PREPL: variants seen among roughly 807,000 people sequenced by gnomAD.
The protein encoded by PREPL is prolyl endopeptidase-like.
PREPL carries 77 observed loss-of-function variants against 70.6 expected under a neutral mutation model. The ratio of observed to expected loss-of-function variants is 1.09; its 90% CI spans 0.91 to 1.32. PREPL has a LOEUF of 1.32. Among genes scored for constraint, PREPL ranks in the 40% most tolerant of loss-of-function variants. The probability of loss-of-function intolerance (pLI) is 0.00; values close to 1 mark genes in which losing one functional copy is unlikely to be tolerated. For missense variants in PREPL, 1,002 were observed against 778.2 expected (o/e 1.29, Z -3.42); for synonymous variants, 315 against 264.8 (o/e 1.19, Z -1.84).
intron 1 of PREPL, among the ~76,000 whole-genome samples, chr2:44,348,060 T>C (rs1228814915): frequency 2.6e-5 from 4 of 152,172 alleles, no homozygotes; most frequent in Non-Finnish European, 4.4e-5. Flanking sequence ...TATAATTTTC[T>C]GAATTTTTTT....
chr2:44,359,799 T>A (rs1677472828), intron 1 of PREPL: 1 of 947,168 alleles, frequency 1.1e-6, no homozygotes, highest in Non-Finnish European at 1.6e-6. Context: ...AGTAGTGGGT[T>A]CTCAGAGTAA....
At chr2:44,353,288 T>C (rs1676647105) in intron 1 of PREPL, among the ~76,000 whole-genome samples, 1 of 151,208 alleles carries the variant, frequency 6.6e-6, no homozygotes, top group Admixed American at 6.6e-5. Flanking sequence ...TTCCTGATTT[T>C]AAGACTTATT....
intron 1 of PREPL, among the ~76,000 whole-genome samples, chr2:44,357,832 T>A (rs368638035): frequency 6.6e-6 from 1 of 152,338 alleles, no homozygotes; most frequent in Non-Finnish European, 1.5e-5. Context: ...AAAAATTTTA[T>A]CTTTCTGAAG....
At chr2:44,344,217 C>A (rs552691173) in intron 3 of PREPL, among the ~76,000 whole-genome samples, 1 of 152,156 alleles carries the variant, frequency 6.6e-6, no homozygotes, top group Admixed American at 6.5e-5. Flanking sequence ...ACAGACCATA[C>A]AGAACCTAGA....
chr2:44,338,678 A>C, intron 6 of PREPL, 142 bp from the exon 7 acceptor site: 1 of 727,852 alleles, frequency 1.4e-6, no homozygotes, highest in Non-Finnish European at 2.2e-6. Context: ...CATCAGGGAT[A>C]AAGTGTGACC....
intron 1 of PREPL, among the ~76,000 whole-genome samples, chr2:44,354,049 T>G (rs1377363790): frequency 6.6e-6 from 1 of 152,022 alleles, no homozygotes; most frequent in East Asian, 1.9e-4. Context: ...CCCAGCTACT[T>G]GCAAGGTAAG....
chr2:44,329,815 T>A (rs1157580939), intron 8 of PREPL, among the ~76,000 whole-genome samples: 1 of 152,236 alleles, frequency 6.6e-6, no homozygotes, highest in Non-Finnish European at 1.5e-5. Context: ...TCCAGTTGAT[T>A]GAAACTAGGC....
chr2:44,323,243 C>T lies in PREPL; in HGVS notation c.1629+19G>A, dbSNP rs755078227. Reference sequence around the variant, plus strand: ...TCTGTGTAAATTCAGGATAATCTAACACAATTGTCTTTCACTACCTGAGGT... The same window carrying T: ...TCTGTGTAAATTCAGGATAATCTAATACAATTGTCTTTCACTACCTGAGGT... On this transcript the variant is annotated intron_variant, in intron 11 of 13. Coordinates refer to ENST00000409411, the MANE Select transcript of PREPL (RefSeq NM_001171613.2). The T allele has an allele frequency of 6.4e-7, 1 of 1,568,404 alleles. No individual in the cohort carries two copies.
At chr2:44,342,697 A>G in intron 4 of PREPL, 145 bp from the exon 5 acceptor site, 1 of 673,284 alleles carries the variant, frequency 1.5e-6, no homozygotes, top group Non-Finnish European at 2.4e-6. Context: ...ACTGTATCTA[A>G]TCTGTGCTGT....
intron 1 of PREPL, among the ~76,000 whole-genome samples, chr2:44,358,214 T>C (rs796476217): frequency 4.6e-5 from 7 of 152,306 alleles, no homozygotes; most frequent in African/African-American, 1.7e-4. Context: ...AGGAATATTA[T>C]TCAACTATAA....
Position 44,342,479 on chromosome 2 carries a change from T to A in PREPL, c.423A>T (p.Val141=). The A allele has an allele frequency of 6.2e-7, 1 of 1,613,302 alleles. No individual in the cohort carries two copies. Among genetic ancestry groups the A allele is most frequent in the Non-Finnish European group, 8.5e-7 (1 of 1,179,468 alleles). ...TGTTATCACCAAAAGTGGCTCGATA[T>A]ACGTCATGACAGCGAAGGTTCCTCT... ...TFQRNLRCHD[V]YRATFGDNKR... Residue 141 remains valine (V), a synonymous_variant, in exon 5 of 14, where the codon GTA becomes GTT. Coordinates refer to ENST00000409411, the MANE Select transcript of PREPL (RefSeq NM_001171613.2).
chr2:44,349,410 C>T (rs698768), intron 1 of PREPL, among the ~76,000 whole-genome samples: 82,107 of 151,812 alleles, frequency 0.54, 24,527 homozygotes, highest in Non-Finnish European at 0.68. Context: ...ACATTTTGGA[C>T]AACTGGAGCC....
chr2:44,318,086 C>A lies in PREPL; in HGVS notation c.*3270G>T. On this transcript the variant is annotated 3_prime_UTR_variant, in exon 14 of 14. Coordinates refer to ENST00000409411, the MANE Select transcript of PREPL (RefSeq NM_001171613.2). ...ATGTGCACAATAATACTTAAAGGAT[C>A]TCAACACTGTTTTTTTTTTTTTTTG... is the stretch of plus-strand genomic sequence containing the variant. 3 of 423,688 alleles carry A rather than the reference C, an allele frequency of 7.1e-6. No homozygotes were observed. The highest frequency in any genetic ancestry group is 9.2e-6 in the Non-Finnish European group (2 of 217,490). 26.2% of individuals were successfully genotyped at this position (423,688 alleles called of 1,614,324 possible).
At chr2:44,340,176 C>T (rs914119973) in intron 5 of PREPL, among the ~76,000 whole-genome samples, 1 of 151,868 alleles carries the variant, frequency 6.6e-6, no homozygotes, top group African/African-American at 2.4e-5. Context: ...CCTAATATAT[C>T]ATAATTCTTA....
chr2:44,351,167 T>A lies in PREPL; in HGVS notation c.-48-4777A>T, dbSNP rs541975694. Among the ~76,000 whole-genome samples, 629 of 151,054 alleles carry A rather than the reference T, an allele frequency of 4.2e-3. 1 individual carries two copies. Among genetic ancestry groups the A allele is most frequent in the African/African-American group, 0.014 (596 of 41,114 alleles). ...CTAGGCTGGTCTGAAACTCCTGACC[T>A]CAGGTGAACCACCCGCCTCAGCCTC... On this transcript the variant is annotated intron_variant, in intron 1 of 13. Coordinates refer to ENST00000409411, the MANE Select transcript of PREPL (RefSeq NM_001171613.2).
At position 44,344,528 on chromosome 2, in the gene PREPL, T is replaced by C. The variant is rs767820630; in HGVS notation, c.134A>G (p.Asp45Gly). Residue 45 changes from aspartate to glycine, a missense_variant, in exon 3 of 14, where the codon GAT becomes GGT. By Grantham distance (94) the Asp-to-Gly change is moderately conservative. Transcript: ENST00000409411. ...QEGCCLVRSK[D>G]EEADNDNYEV... The stretch of plus-strand genomic sequence containing the variant: ...GAAAAATTGTGGTGTACCTTCTTCA[T>C]CTTTGGAACGAACCAAGCAACAACC... 2.8e-5 allele frequency: 45 copies of C among 1,595,674 alleles called. No individual in the cohort carries two copies. Among genetic ancestry groups the C allele is most frequent in the East Asian group, 4.5e-5 (2 of 44,326 alleles).
In PREPL at chr2:44,319,346, G is replaced by A. The variant is rs958310897; in HGVS notation, c.*2010C>T. The A allele has an allele frequency of 6.5e-6, 1 of 152,676 alleles. No homozygotes were observed. Among genetic ancestry groups the A allele is most frequent in the African/African-American group, 2.4e-5 (1 of 41,546 alleles). 9.5% of individuals were successfully genotyped at this position (152,676 alleles called of 1,614,324 possible). On this transcript the variant is annotated 3_prime_UTR_variant, in exon 14 of 14. Transcript: ENST00000409411. The stretch of plus-strand genomic sequence containing the variant: ...TCAAGTGCCCATACTCTTTGACAAA[G>A]TAACTGTCTTTCTGATAATCTATCT...
intron 1 of PREPL, among the ~76,000 whole-genome samples, chr2:44,350,179 TA>T (rs1275399960): frequency 1.3e-5 from 2 of 152,134 alleles, no homozygotes; most frequent in African/African-American, 4.8e-5. Flanking sequence ...TAAAACTTGA[TA>T]AAATCAAATT....
rs74910905 is a variant in PREPL at position 44,359,990 on chromosome 2, A to C, written c.-49+1390T>G. 1.2e-3 allele frequency: 445 copies of C among 384,264 alleles called. 1 individual carries two copies. The highest frequency in any genetic ancestry group is 8.0e-3 in the African/African-American group (395 of 49,238). The allele number at this position is 384,264 out of a possible 1,614,324, so 23.8% of individuals were successfully genotyped here. ...ATGTCTCATTTGTAAAGTTAATCCT[A>C]TCAGGCTCAAACTATGCAGCACTGA... is the stretch of plus-strand genomic sequence containing the variant. On this transcript the variant is annotated intron_variant, in intron 1 of 13. Transcript: ENST00000409411.
Sources: gnomAD v4.1 joint callset for allele counts (sites outside exome capture counted in the v4.1 genomes callset) on GRCh38, gnomAD v4.1.1 for gene constraint, MANE v1.5 for transcripts, NCBI Gene and HGNC (gene_info 2026-07-23, HGNC 2026-07-21) for gene names.